Variants in RHOBTB1 observed in about 807,000 individuals in gnomAD.
RHOBTB1 encodes the protein Rho related BTB domain containing 1.
Under a neutral mutation model 71.6 loss-of-function variants are expected in RHOBTB1, and 40 were observed. The observed-to-expected ratio is 0.56, with a 90% confidence interval of 0.43 to 0.73. The LOEUF (loss-of-function observed/expected upper bound fraction) is 0.73. RHOBTB1 is among the 30% of genes least tolerant of loss of function. The pLI is 0.00. For synonymous variants in RHOBTB1, 319 were observed against 334.9 expected, an observed-to-expected ratio of 0.95 and a Z score of 0.52; for missense variants, 797 against 894.0, an observed-to-expected ratio of 0.89 and a Z score of 1.38.
chr10:60,983,689 T>G (rs1246990686), intron 2 of RHOBTB1, among the ~76,000 whole-genome samples: 1 of 152,196 alleles, frequency 6.6e-6, no homozygotes, highest in Non-Finnish European at 1.5e-5. Context: ...TAGGTGAGCA[T>G]GTAATAACCC....
chr10:60,875,117 C>A, intron 8 of RHOBTB1, 75 bp from the exon 9 acceptor site: 2 of 1,031,058 alleles, frequency 1.9e-6, no homozygotes, highest in South Asian at 2.5e-5. Flanking sequence ...GAGGGTTGGT[C>A]TGGGACGACT....
rs1362693889 is a variant in RHOBTB1 at position 60,869,870 on chromosome 10, A to C, written c.*1612T>G. ...GTGATGCATTTCTGGGCCTCTCCTA[A>C]GATCTTCTATCTGGTGTTTCCACTG... On this transcript the variant is annotated 3_prime_UTR_variant, in exon 11 of 11. Coordinates refer to ENST00000337910, the MANE Select transcript of RHOBTB1 (RefSeq NM_014836.5). 6.6e-6 allele frequency: 1 copy of C among 152,612 alleles called. No homozygotes were observed. 9.5% of individuals were successfully genotyped at this position (152,612 alleles called of 1,614,324 possible).
intron 1 of RHOBTB1, among the ~76,000 whole-genome samples, chr10:60,990,108 G>A (rs1313583775): frequency 2.0e-5 from 3 of 148,932 alleles, no homozygotes; most frequent in African/African-American, 2.5e-5. Flanking sequence ...TCAGCCTCCC[G>A]AGTAGCTGGG....
chr10:60,863,733 G>C, the RHOBTB1 span, among the ~76,000 whole-genome samples: 1 of 151,952 alleles, frequency 6.6e-6, no homozygotes, highest in Admixed American at 6.6e-5. Flanking sequence ...GAGTTTCACC[G>C]TGTTGGCCAG....
At chr10:60,933,243 C>T (rs1361036949) in intron 2 of RHOBTB1, among the ~76,000 whole-genome samples, 1 of 152,120 alleles carries the variant, frequency 6.6e-6, no homozygotes, top group Non-Finnish European at 1.5e-5. Context: ...GAAATTATTA[C>T]ATGAAAGATT....
At chr10:60,932,421 T>C (rs1040896532) in intron 2 of RHOBTB1, among the ~76,000 whole-genome samples, 3 of 149,508 alleles carry the variant, frequency 2.0e-5, no homozygotes, top group South Asian at 2.1e-4. Flanking sequence ...GCCAGTTACA[T>C]AGATATGTTC....
intron 2 of RHOBTB1, among the ~76,000 whole-genome samples, chr10:60,915,507 A>G (rs994825062): frequency 4.6e-5 from 7 of 152,336 alleles, no homozygotes; most frequent in African/African-American, 1.7e-4. Flanking sequence ...CAGCTCTGTC[A>G]TCTTACTCAA....
intron 2 of RHOBTB1, among the ~76,000 whole-genome samples, chr10:60,932,975 C>A (rs2084347145): frequency 6.6e-6 from 1 of 152,184 alleles, no homozygotes. Flanking sequence ...GATACAATGA[C>A]AATCAAGCAA....
At chr10:60,860,898 T>A in the RHOBTB1 span, among the ~76,000 whole-genome samples, 1 of 152,172 alleles carries the variant, frequency 6.6e-6, no homozygotes, top group Non-Finnish European at 1.5e-5. Context: ...GGTATTTGGG[T>A]GTGTACAATC....
intron 6 of RHOBTB1, among the ~76,000 whole-genome samples, chr10:60,887,481 C>G (rs1375172583): frequency 6.6e-6 from 1 of 152,204 alleles, no homozygotes; most frequent in Non-Finnish European, 1.5e-5. Flanking sequence ...AAGTGTAAGA[C>G]AGTACAAGCA....
chr10:60,999,899 G>T (rs534300632), intron 1 of RHOBTB1, among the ~76,000 whole-genome samples: 1 of 152,118 alleles, frequency 6.6e-6, no homozygotes, highest in Non-Finnish European at 1.5e-5. Flanking sequence ...CTTATTTTAC[G>T]ATTCTCTGCT....
At chr10:60,994,188 T>C (rs1019288680) in intron 1 of RHOBTB1, among the ~76,000 whole-genome samples, 1 of 152,176 alleles carries the variant, frequency 6.6e-6, no homozygotes, top group African/African-American at 2.4e-5. Context: ...GGCACTATAA[T>C]AGATCCTGGG....
chr10:60,867,302 T>C (rs754368660), downstream of RHOBTB1, among the ~76,000 whole-genome samples: 10 of 152,240 alleles, frequency 6.6e-5, no homozygotes, highest in African/African-American at 2.4e-4. Flanking sequence ...AGTCAAACTT[T>C]GGTTGGCTTC....
chr10:60,893,288 C>T (rs2082011558), intron 4 of RHOBTB1, among the ~76,000 whole-genome samples: 1 of 152,142 alleles, frequency 6.6e-6, no homozygotes, highest in Non-Finnish European at 1.5e-5. Flanking sequence ...AAACTTGTCT[C>T]AGTCCTGGAA....
intron 2 of RHOBTB1, among the ~76,000 whole-genome samples, chr10:60,937,096 A>C (rs1221887403): frequency 1.3e-5 from 2 of 152,202 alleles, no homozygotes; most frequent in East Asian, 3.8e-4. Flanking sequence ...AAAAAATATC[A>C]AAGCAGTAGC....
chr10:60,879,488 A>ACG (rs2081208567), intron 7 of RHOBTB1, among the ~76,000 whole-genome samples: 1 of 151,198 alleles, frequency 6.6e-6, no homozygotes. Flanking sequence ...CAGTGCCACC[A>ACG]CGCCCGGCTA....
chr10:60,994,632 A>G (rs1359783725), intron 1 of RHOBTB1, among the ~76,000 whole-genome samples: 1 of 152,080 alleles, frequency 6.6e-6, no homozygotes, highest in Non-Finnish European at 1.5e-5. Flanking sequence ...CCTCAGGAAA[A>G]AAAATGCAAT....
chr10:60,988,151 G>A (rs1408737977), intron 1 of RHOBTB1, among the ~76,000 whole-genome samples: 1 of 151,332 alleles, frequency 6.6e-6, no homozygotes, highest in Non-Finnish European at 1.5e-5. Flanking sequence ...AGCCAGGATG[G>A]TCTCGACCTC....
upstream of RHOBTB1, among the ~76,000 whole-genome samples, chr10:60,947,582 C>CT (rs201622377): frequency 1.5e-4 from 23 of 151,036 alleles, no homozygotes; most frequent in South Asian, 4.2e-4. Flanking sequence ...TTGAGATTGA[C>CT]TTTTTTTGTT....
Sources: gnomAD v4.1 joint callset for allele counts (sites outside exome capture counted in the v4.1 genomes callset) on GRCh38, gnomAD v4.1.1 for gene constraint, MANE v1.5 for transcripts, NCBI Gene and HGNC (gene_info 2026-07-23, HGNC 2026-07-21) for gene names.